SYT16: variants seen among roughly 807,000 people sequenced by gnomAD.
The protein encoded by SYT16 is synaptotagmin 16, also known as synaptotagmin-16.
A neutral mutation model predicts 61.4 loss-of-function variants in SYT16; 42 were observed. That is an observed-to-expected ratio of 0.68 (90% CI 0.53 to 0.89). The LOEUF is 0.89. Ranked by LOEUF, SYT16 falls within the 40% of genes least tolerant of loss-of-function variation. The pLI is 0.00. For missense variants in SYT16, 804 were observed against 807.3 expected, an observed-to-expected ratio of 1.00 and a Z score of 0.05; for synonymous variants, 314 against 302.3, an observed-to-expected ratio of 1.04 and a Z score of -0.40.
chr14:62,081,832 G>T (rs137931362), intron 6 of SYT16, among the ~76,000 whole-genome samples: 3 of 152,188 alleles, frequency 2.0e-5, no homozygotes, highest in Admixed American at 6.5e-5. Flanking sequence ...TGGGTTATAT[G>T]TCATGTAGTA....
chr14:62,058,375 CGCTCTGTCACCCA>C (rs1566806939), intron 3 of SYT16, among the ~76,000 whole-genome samples: 18 of 134,608 alleles, frequency 1.3e-4, no homozygotes, highest in African/African-American at 3.5e-4. Flanking sequence ...GAAGGAGTCT[CGCTCTGTCACCCA>C]GCTCTGTCAC....
chr14:61,849,904 C>T (rs1406223804), intron 1 of SYT16, among the ~76,000 whole-genome samples: 1 of 152,150 alleles, frequency 6.6e-6, no homozygotes, highest in Admixed American at 6.5e-5. Context: ...GTGCTGCCTC[C>T]ACTTCCACAG....
chr14:61,824,230 T>C (rs1307338700), intron 1 of SYT16, among the ~76,000 whole-genome samples: 1 of 152,192 alleles, frequency 6.6e-6, no homozygotes, highest in Non-Finnish European at 1.5e-5. Context: ...CTTTTTCTTT[T>C]TTGGTCTTAT....
At chr14:61,989,101 A>G (rs1206560383) in intron 2 of SYT16, among the ~76,000 whole-genome samples, 1 of 152,148 alleles carries the variant, frequency 6.6e-6, no homozygotes, top group Non-Finnish European at 1.5e-5. Flanking sequence ...AAAAAGCATT[A>G]TATACTATAT....
At chr14:62,045,180 T>G (rs1290832490) in intron 3 of SYT16, among the ~76,000 whole-genome samples, 1 of 152,098 alleles carries the variant, frequency 6.6e-6, no homozygotes, top group Non-Finnish European at 1.5e-5. Context: ...TTTTGTTTGC[T>G]GCTATGTAGT....
intron 1 of SYT16, among the ~76,000 whole-genome samples, chr14:61,885,702 T>C (rs1304962144): frequency 6.6e-6 from 1 of 152,218 alleles, no homozygotes; most frequent in Non-Finnish European, 1.5e-5. Context: ...AATATCTCAA[T>C]TGAATGAGTC....
intron 1 of SYT16, among the ~76,000 whole-genome samples, chr14:61,893,082 GAGAATTC>G (rs2048197795): frequency 6.6e-6 from 1 of 152,114 alleles, no homozygotes. Context: ...ATGTGGTGTA[GAGAATTC>G]CTGCACACTT....
rs2057588691 is a variant in SYT16, at chr14:62,110,463, G to A, written c.*9756G>A. On this transcript the variant is annotated 3_prime_UTR_variant, in exon 8 of 8. Transcript: ENST00000683842. ...ATTTTTGAAGACTTGCAATGTTTTT[G>A]AAGACTACAGGATAGTTTGTGATTT... 6.6e-6 allele frequency: 1 copy of A among 152,064 alleles called. No individual in the cohort carries two copies. The highest frequency in any genetic ancestry group is 6.6e-5 in the Admixed American group (1 of 15,262). The allele number at this position is 152,064 out of a possible 1,614,324, so 9.4% of individuals were successfully genotyped here.
Position 61,996,150 on chromosome 14 carries a change from A to G in SYT16, c.131A>G (p.Lys44Arg). The G allele has an allele frequency of 1.2e-6, 2 of 1,613,462 alleles. No homozygotes were observed. The highest frequency in any genetic ancestry group is 1.7e-6 in the Non-Finnish European group (2 of 1,179,562). ...TCTGCTTCGCTGGTTAACATAAGCA[A>G]ACAAGACTCTAAATTGAGTGACAAA... ...MLSASLVNISKQDSKLSDKLD... is the reference protein window; with the variant it reads ...MLSASLVNISRQDSKLSDKLD... The change falls in exon 3 of 8, where the codon AAA becomes AGA. Residue 44 changes from lysine (K) to arginine (R), a missense_variant. Coordinates refer to ENST00000683842, the MANE Select transcript of SYT16 (RefSeq NM_001367656.1).
At chr14:62,015,957 C>A (rs1178204225) in intron 3 of SYT16, among the ~76,000 whole-genome samples, 1 of 152,192 alleles carries the variant, frequency 6.6e-6, no homozygotes, top group Non-Finnish European at 1.5e-5. Flanking sequence ...AGATATAAGG[C>A]AAGACATATG....
rs186356647 is a variant in SYT16 at position 62,034,985 on chromosome 14, C to T, written c.524-34618C>T. On this transcript the variant is annotated intron_variant, in intron 3 of 7. Coordinates refer to ENST00000683842, the MANE Select transcript of SYT16 (RefSeq NM_001367656.1). ...GGGTGGATTTGACTGAGTGTCCTACCCCGAAAGCTTCTTAGTTTGCCTTGT... is the reference window on the plus strand; with the variant it reads ...GGGTGGATTTGACTGAGTGTCCTACTCCGAAAGCTTCTTAGTTTGCCTTGT... Among the ~76,000 whole-genome samples, 4 of 152,210 alleles carry T rather than the reference C, an allele frequency of 2.6e-5. No individual in the cohort carries two copies. The East Asian group carries it at 7.7e-4, about 29-fold the overall frequency.
At chr14:62,039,189 G>T (rs1390119740) in intron 3 of SYT16, among the ~76,000 whole-genome samples, 7 of 152,178 alleles carry the variant, frequency 4.6e-5, no homozygotes, top group South Asian at 4.1e-4. Flanking sequence ...GTTTAATTCA[G>T]CTAATGCTTT....
At chr14:62,093,562 A>G (rs757036627) in intron 7 of SYT16, among the ~76,000 whole-genome samples, 21 of 152,092 alleles carry the variant, frequency 1.4e-4, no homozygotes, top group Non-Finnish European at 2.6e-4. Flanking sequence ...GAAGGAAGCC[A>G]TTAATGACCA....
At chr14:61,837,233 AT>A (rs1237212390) in intron 1 of SYT16, among the ~76,000 whole-genome samples, 2,647 of 122,800 alleles carry the variant, frequency 0.022, 34 homozygotes, top group Middle Eastern at 0.034. Flanking sequence ...GCAGAGGCTG[AT>A]TTTTTTTTTT....
At chr14:62,067,800 A>AAAACAAACAAAC (rs137880362) in intron 3 of SYT16, among the ~76,000 whole-genome samples, 48 of 151,740 alleles carry the variant, frequency 3.2e-4, no homozygotes, top group African/African-American at 9.7e-4. Context: ...TGTCTCTACT[A>AAAACAAACAAAC]AAACAAACAA....
chr14:62,081,221 C>T lies in SYT16; in HGVS notation c.1381C>T (p.Pro461Ser). 1 of 1,613,856 alleles carries T rather than the reference C, an allele frequency of 6.2e-7. No homozygotes were observed. The highest frequency in any genetic ancestry group is 8.5e-7 in the Non-Finnish European group (1 of 1,179,870). Residue 461 changes from proline to serine, a missense_variant, in exon 6 of 8, where the codon CCA becomes TCA. Coordinates refer to ENST00000683842, the MANE Select transcript of SYT16 (RefSeq NM_001367656.1). ...ACTATTCTATCTCAGCCACCTGCAC[C>T]CAGAAGGGGAAATGAAAGTGACTCT... ...EKLFYLSHLH[P>S]EGEMKVTLVL...
intron 1 of SYT16, among the ~76,000 whole-genome samples, chr14:61,936,670 G>A (rs1749124174): frequency 6.6e-6 from 1 of 151,870 alleles, no homozygotes; most frequent in Non-Finnish European, 1.5e-5. Context: ...CTTTCTCTCT[G>A]CTCCCTGTGC....
chr14:61,896,128 C>T (rs143656792), intron 1 of SYT16, among the ~76,000 whole-genome samples: 282 of 151,848 alleles, frequency 1.9e-3, no homozygotes, highest in African/African-American at 6.5e-3. Flanking sequence ...GGGTAGAAAC[C>T]GGTCAGAATT....
chr14:61,895,103 A>G (rs989425255), intron 1 of SYT16, among the ~76,000 whole-genome samples: 10 of 152,222 alleles, frequency 6.6e-5, no homozygotes, highest in Non-Finnish European at 1.3e-4. Context: ...GGAAGTTGGT[A>G]TCGTTAATGG....
Sources: gnomAD v4.1 joint callset for allele counts (sites outside exome capture counted in the v4.1 genomes callset) on GRCh38, gnomAD v4.1.1 for gene constraint, MANE v1.5 for transcripts, NCBI Gene and HGNC (gene_info 2026-07-23, HGNC 2026-07-21) for gene names.